Variants in DGKD observed in about 807,000 individuals in gnomAD.
DGKD encodes DAG kinase delta.
Under a neutral mutation model 154.4 loss-of-function variants are expected in DGKD, and 68 were observed. The observed-to-expected ratio is 0.44, with a 90% CI of 0.36 to 0.54. The LOEUF (loss-of-function observed/expected upper bound fraction) is 0.54, where lower values mean the gene tolerates loss of function less well. DGKD is among the 20% of genes least tolerant of loss of function. DGKD has a pLI of 0.00. For synonymous variants in DGKD, 693 were observed against 638.0 expected (o/e 1.09, Z -1.30); for missense variants, 1,343 against 1,593.6 (o/e 0.84, Z 2.68).
In DGKD at chr2:233,457,024, G is replaced by T; in HGVS notation, c.2472+29G>T. 6.4e-7 allele frequency: 1 copy of T among 1,573,886 alleles called. No individual in the cohort carries two copies. Among genetic ancestry groups the T allele is most frequent in the East Asian group, 2.2e-5 (1 of 44,694 alleles). ...AGTGGGAGGGTCCTTGTCACCTGCA[G>T]GCTGGCCTCCATCCATCAGCAGACT... is the stretch of plus-strand genomic sequence containing the variant. On this transcript the variant is annotated intron_variant, in intron 20 of 29. Transcript: ENST00000264057. This position sits in a 1 kb window ranked among gnomAD's most constrained non-coding sequence, Gnocchi z 5.5.
intron 3 of DGKD, among the ~76,000 whole-genome samples, chr2:233,415,381 C>A (rs1307706489): frequency 2.0e-5 from 3 of 152,188 alleles, no homozygotes; most frequent in Non-Finnish European, 4.4e-5. Flanking sequence ...TCATCTCCCT[C>A]AAAGAGCTTT....
chr2:233,435,492 C>T (rs912976993), intron 5 of DGKD, among the ~76,000 whole-genome samples: 4 of 152,074 alleles, frequency 2.6e-5, no homozygotes, highest in East Asian at 1.9e-4. Context: ...AATTTGTGCC[C>T]GTAAAAAAAC....
At position 233,469,426 on chromosome 2, in the gene DGKD, A is replaced by T. The variant is rs1286369153; in HGVS notation, c.3611A>T (p.Glu1204Val). 2.5e-6 allele frequency: 4 copies of T among 1,608,650 alleles called. No individual in the cohort carries two copies. Among genetic ancestry groups the T allele is most frequent in the Non-Finnish European group, 3.4e-6 (4 of 1,178,198 alleles). ...AAGAGGATCCTGTGTGGCATCAAGGAGCTGAGCCGCAGCGCCCCCGCCGTC... is the reference window on the plus strand; with the variant it reads ...AAGAGGATCCTGTGTGGCATCAAGGTGCTGAGCCGCAGCGCCCCCGCCGTC... ...HMKRILCGIK[E>V]LSRSAPAVEA Residue 1204 changes from glutamate (E) to valine (V), a missense_variant, in exon 30 of 30, where the codon GAG becomes GTG. By Grantham distance (121) the Glu-to-Val change is moderately radical. Coordinates refer to ENST00000264057, the MANE Select transcript of DGKD (RefSeq NM_152879.3).
intron 1 of DGKD, among the ~76,000 whole-genome samples, chr2:233,375,688 G>C (rs961902156): frequency 6.6e-6 from 1 of 152,052 alleles, no homozygotes; most frequent in African/African-American, 2.4e-5. Flanking sequence ...TGACTTCCAA[G>C]TTTCCAAAGC....
rs1323343115 is a variant in DGKD, at chr2:233,459,627, G to A, written c.2695-130G>A. On this transcript the variant is annotated intron_variant, in intron 22 of 29. Transcript: ENST00000264057. This position sits in a 1 kb window ranked among gnomAD's most constrained non-coding sequence, Gnocchi z 5.7. Reference sequence around the variant, plus strand: ...GCTGCAGGCGGAGCGCCATCCCAGAGGCAGAGGTGGGGTGTCCTGCAAGGC... The same window carrying A: ...GCTGCAGGCGGAGCGCCATCCCAGAAGCAGAGGTGGGGTGTCCTGCAAGGC... 3 of 1,256,284 alleles carry A rather than the reference G, an allele frequency of 2.4e-6. No individual in the cohort carries two copies. The highest frequency in any genetic ancestry group is 3.0e-5 in the African/African-American group (2 of 66,918). 77.8% of individuals were successfully genotyped at this position (1,256,284 alleles called of 1,614,324 possible). A position where few individuals can be genotyped will look rare whatever the true frequency, so the allele number is the denominator to read the frequency against.
intron 3 of DGKD, among the ~76,000 whole-genome samples, chr2:233,426,982 C>A (rs374897510): frequency 1.4e-4 from 21 of 152,266 alleles, no homozygotes; most frequent in African/African-American, 4.3e-4. Flanking sequence ...AGTCTTTCGT[C>A]CATTTTACTA....
In DGKD at chr2:233,434,531, T is replaced by G. The variant is rs753930177; in HGVS notation, c.453+47T>G. The G allele has an allele frequency of 7.7e-6, 12 of 1,561,120 alleles. No individual in the cohort carries two copies. In the East Asian group the frequency reaches 2.5e-4, roughly 32 times the overall value. On this transcript the variant is annotated intron_variant, in intron 4 of 29. Transcript: ENST00000264057. ...CTCCAAATGCCTCCTGTTGCCTCCC[T>G]CACCCCAGTGTCTGCTGTCTGAGTG...
intron 3 of DGKD, among the ~76,000 whole-genome samples, chr2:233,410,317 T>G (rs1284470046): frequency 6.6e-6 from 1 of 152,210 alleles, no homozygotes; most frequent in African/African-American, 2.4e-5. Flanking sequence ...GTTTGTCCTG[T>G]GCCCGTCATT....
Position 233,441,845 on chromosome 2 carries a change from T to C in DGKD, c.1086-42T>C. 6.3e-7 allele frequency: 1 copy of C among 1,577,686 alleles called. No individual in the cohort carries two copies. Among genetic ancestry groups the C allele is most frequent in the South Asian group, 1.1e-5 (1 of 87,160 alleles). ...ACTGACAAGCCTGTCATTTGTCCTG[T>C]GGAATGGATGTCATTTCACGGCCTT... On this transcript the variant is annotated intron_variant, in intron 9 of 29. Transcript: ENST00000264057. This position sits in a 1 kb window ranked among gnomAD's most constrained non-coding sequence, Gnocchi z 5.6.
In DGKD at chr2:233,470,430, G is replaced by C. The variant is rs549764027; in HGVS notation, c.*970G>C. ...CAGCCCGTCCGGTGGCCTGGAGGCC[G>C]GAGGCTCTCCTGAGTGTCTGCCCCT... On this transcript the variant is annotated 3_prime_UTR_variant, in exon 30 of 30. Transcript: ENST00000264057. The C allele has an allele frequency of 6.6e-6, 1 of 152,606 alleles. No individual in the cohort carries two copies. Among genetic ancestry groups the C allele is most frequent in the East Asian group, 1.9e-4 (1 of 5,270 alleles). The allele number at this position is 152,606 out of a possible 1,614,324, so 9.5% of individuals were successfully genotyped here. A position where few individuals can be genotyped will look rare whatever the true frequency, so the allele number is the denominator to read the frequency against.
At chr2:233,370,406 G>T (rs1016309202) in intron 1 of DGKD, among the ~76,000 whole-genome samples, 1 of 151,840 alleles carries the variant, frequency 6.6e-6, no homozygotes, top group Non-Finnish European at 1.5e-5. Flanking sequence ...TACAGAGGGG[G>T]TTTCACCATG....
chr2:233,385,041 C>T (rs1703098536), intron 1 of DGKD, among the ~76,000 whole-genome samples: 1 of 152,224 alleles, frequency 6.6e-6, no homozygotes, highest in Non-Finnish European at 1.5e-5. Context: ...TAGTGACCAG[C>T]ATCTGGTGAT....
At chr2:233,390,178 T>G (rs1703501558) in intron 2 of DGKD, among the ~76,000 whole-genome samples, 1 of 152,206 alleles carries the variant, frequency 6.6e-6, no homozygotes, top group Admixed American at 6.5e-5. Flanking sequence ...TGTAGATTTT[T>G]TTAAAAAAAT....
At position 233,459,062 on chromosome 2, in the gene DGKD, T is replaced by A. The variant is rs565001319; in HGVS notation, c.2694+665T>A. On this transcript the variant is annotated intron_variant, in intron 22 of 29. Transcript: ENST00000264057. The surrounding 1 kb of genome is among the most constrained non-coding windows in gnomAD (Gnocchi z 5.7). ...CTCTGATGTGGGGTGTGGGAGGATT[T>A]CCAGCTGGGGCCCTCGATCATGGTT... 6.6e-6 allele frequency among the ~76,000 whole-genome samples: 1 copy of A among 152,296 alleles called. No homozygotes were observed. Among genetic ancestry groups the A allele is most frequent in the Non-Finnish European group, 1.5e-5 (1 of 68,010 alleles).
chr2:233,463,986 TAGAA>T (rs1480694036), intron 26 of DGKD, 174 bp from the exon 27 acceptor site: 1 of 769,556 alleles, frequency 1.3e-6, no homozygotes, highest in African/African-American at 1.8e-5. Context: ...CAGCACTACT[TAGAA>T]AGTGAGGTTC....
chr2:233,464,034 T>C, intron 26 of DGKD, 130 bp from the exon 27 acceptor site: 8 of 1,313,234 alleles, frequency 6.1e-6, no homozygotes, highest in Non-Finnish European at 8.2e-6. Flanking sequence ...CTCTGGGACT[T>C]CGTTTCTGGA....
chr2:233,426,883 C>T (rs987372746), intron 3 of DGKD, among the ~76,000 whole-genome samples: 1 of 152,196 alleles, frequency 6.6e-6, no homozygotes, highest in Non-Finnish European at 1.5e-5. Context: ...ATGCATCACC[C>T]TGTAGCTTTA....
chr2:233,382,675 C>G (rs531383884), intron 1 of DGKD, among the ~76,000 whole-genome samples: 1 of 152,114 alleles, frequency 6.6e-6, no homozygotes, highest in Non-Finnish European at 1.5e-5. Context: ...TCTTTTACTG[C>G]GTAAATGTGG....
chr2:233,437,592 G>C, intron 8 of DGKD, 113 bp downstream of exon 8: 1 of 1,027,892 alleles, frequency 9.7e-7, no homozygotes, highest in African/African-American at 1.6e-5. Flanking sequence ...TCAGCAAGAG[G>C]TCAGGCACAG....
Sources: gnomAD v4.1 joint callset for allele counts (sites outside exome capture counted in the v4.1 genomes callset) on GRCh38, gnomAD v4.1.1 for gene constraint, Gnocchi (gnomAD v3.1) non-coding constraint, MANE v1.5 for transcripts, NCBI Gene and HGNC (gene_info 2026-07-23, HGNC 2026-07-21) for gene names.